Variants in LDLRAD3 observed in about 807,000 individuals in gnomAD.
LDLRAD3 encodes low-density lipoprotein receptor class A domain-containing protein 3.
Under a neutral mutation model 29.4 loss-of-function variants are expected in LDLRAD3, and 20 were observed. That is an observed-to-expected ratio of 0.68 (90% confidence interval 0.48 to 0.99). LDLRAD3 has a LOEUF of 0.99. Among genes scored for constraint, LDLRAD3 ranks in the 50% least tolerant of loss-of-function variants. The probability of loss-of-function intolerance (pLI) is 0.00; values close to 1 mark genes in which losing one functional copy is unlikely to be tolerated. For synonymous variants in LDLRAD3, 157 were observed against 192.7 expected (o/e 0.81, Z 1.53); for missense variants, 420 against 454.3 (o/e 0.92, Z 0.69).
At position 36,227,275 on chromosome 11, in the gene LDLRAD3, G is replaced by A. The variant is rs201142444; in HGVS notation, c.645G>A (p.Val215=). The change falls in exon 5 of 6, where the codon GTG becomes GTA. Residue 215 remains valine (V), a synonymous_variant. Coordinates refer to ENST00000315571, the MANE Select transcript of LDLRAD3 (RefSeq NM_174902.4). ...CCGTGCACCGGCTGCAGCACCCTGT[G>A]CTGCTGTCCCGCCTGGTGGTCCTGG... is the stretch of plus-strand genomic sequence containing the variant. ...TLPVHRLQHP[V]LLSRLVVLDH... The A allele has an allele frequency of 1.9e-6, 3 of 1,614,046 alleles. No homozygotes were observed. The highest frequency in any genetic ancestry group is 1.7e-5 in the Admixed American group (1 of 60,000).
intron 4 of LDLRAD3, among the ~76,000 whole-genome samples, chr11:36,110,727 A>G (rs1430421887): frequency 6.6e-6 from 1 of 152,192 alleles, no homozygotes; most frequent in Non-Finnish European, 1.5e-5. Flanking sequence ...GATCAGCTCA[A>G]AGTTGCTCAC....
At chr11:36,018,660 G>T (rs1275715580) in intron 1 of LDLRAD3, among the ~76,000 whole-genome samples, 1 of 152,106 alleles carries the variant, frequency 6.6e-6, no homozygotes, top group Non-Finnish European at 1.5e-5. Flanking sequence ...ATTGTGCCAG[G>T]TGCTGTCAAA....
chr11:36,093,388 T>C (rs1853312621), intron 3 of LDLRAD3, among the ~76,000 whole-genome samples: 1 of 152,190 alleles, frequency 6.6e-6, no homozygotes, highest in African/African-American at 2.4e-5. Context: ...TCCAGAGGCA[T>C]CCATTGCTCT....
At chr11:36,102,860 T>A (rs1309443215) in intron 4 of LDLRAD3, among the ~76,000 whole-genome samples, 1 of 152,130 alleles carries the variant, frequency 6.6e-6, no homozygotes, top group Non-Finnish European at 1.5e-5. Flanking sequence ...GCCTTACAAA[T>A]GTTGACTGAA....
intron 4 of LDLRAD3, among the ~76,000 whole-genome samples, chr11:36,206,689 G>T (rs189600567): frequency 6.6e-6 from 1 of 150,994 alleles, no homozygotes; most frequent in Non-Finnish European, 1.5e-5. Context: ...TGATTTACCT[G>T]TACAGCCCTG....
chr11:36,178,895 T>C (rs1219441105), intron 4 of LDLRAD3, among the ~76,000 whole-genome samples: 2 of 152,228 alleles, frequency 1.3e-5, no homozygotes, highest in Non-Finnish European at 2.9e-5. Flanking sequence ...CCTACCTTGA[T>C]TTGTCCACCA....
intron 1 of LDLRAD3, among the ~76,000 whole-genome samples, chr11:36,022,490 C>T (rs951724420): frequency 6.6e-6 from 1 of 151,770 alleles, no homozygotes; most frequent in South Asian, 2.1e-4. Flanking sequence ...TCTAATGTTT[C>T]CAGGTCTGTG....
intron 1 of LDLRAD3, among the ~76,000 whole-genome samples, chr11:35,991,871 GT>G: frequency 6.7e-6 from 1 of 148,312 alleles, no homozygotes; most frequent in East Asian, 2.0e-4. Context: ...GGTTGTTTGT[GT>G]GTGTGTGTGT....
At chr11:36,146,342 G>T (rs918852190) in intron 4 of LDLRAD3, among the ~76,000 whole-genome samples, 10 of 152,200 alleles carry the variant, frequency 6.6e-5, no homozygotes, top group Admixed American at 4.6e-4. Context: ...CAAACTTTTT[G>T]TATGTTTCTC....
At chr11:36,187,627 A>G (rs1175187775) in intron 4 of LDLRAD3, among the ~76,000 whole-genome samples, 2 of 152,170 alleles carry the variant, frequency 1.3e-5, no homozygotes, top group Non-Finnish European at 2.9e-5. Context: ...CCCCCAAAAG[A>G]GTTTCATCTG....
intron 1 of LDLRAD3, among the ~76,000 whole-genome samples, chr11:35,982,845 CTGCTT>C (rs1851559028): frequency 7.4e-6 from 1 of 135,696 alleles, no homozygotes; most frequent in South Asian, 2.4e-4. Flanking sequence ...GGCCTGTTTG[CTGCTT>C]TTTTTTTTTT....
intron 2 of LDLRAD3, 53 bp downstream of exon 2, chr11:36,036,302 G>A: frequency 6.2e-7 from 1 of 1,608,524 alleles, no homozygotes; most frequent in Non-Finnish European, 8.5e-7. Flanking sequence ...CTGGGGCAGA[G>A]GGGAGCAGGT....
At position 36,155,919 on chromosome 11, in the gene LDLRAD3, C is replaced by T. The variant is rs374557959; in HGVS notation, c.454+57458C>T. Among the ~76,000 whole-genome samples the T allele has an allele frequency of 1.2e-4, 18 of 152,280 alleles. 2 individuals are homozygous for T. Among genetic ancestry groups the T allele is most frequent in the Admixed American group, 7.2e-4 (11 of 15,292 alleles). ...TAAGAAGCTGAGCCAGCAATAGTAG[C>T]ATGTGGCCACCTGCAGGGCTCTGTG... On this transcript the variant is annotated intron_variant, in intron 4 of 5. Transcript: ENST00000315571.
At chr11:35,975,934 G>A (rs1464146673) in intron 1 of LDLRAD3, among the ~76,000 whole-genome samples, 1 of 151,850 alleles carries the variant, frequency 6.6e-6, no homozygotes, top group Admixed American at 6.6e-5. Flanking sequence ...CAGGTGAGTA[G>A]AGCATTGTGT....
At chr11:36,165,798 A>G (rs1303432694) in intron 4 of LDLRAD3, among the ~76,000 whole-genome samples, 3 of 150,724 alleles carry the variant, frequency 2.0e-5, no homozygotes, top group African/African-American at 7.3e-5. Flanking sequence ...TTACAGAAGC[A>G]GGGAATTAAT....
At chr11:36,097,661 A>ACAC (rs1853381229) in intron 3 of LDLRAD3, among the ~76,000 whole-genome samples, 1 of 152,160 alleles carries the variant, frequency 6.6e-6, no homozygotes, top group South Asian at 2.1e-4. Context: ...GGGTTAAAAG[A>ACAC]TACAAACATA....
chr11:36,109,508 C>T (rs984024515), intron 4 of LDLRAD3, among the ~76,000 whole-genome samples: 15 of 152,096 alleles, frequency 9.9e-5, no homozygotes, highest in Admixed American at 6.6e-5. Context: ...GAGAATCTGC[C>T]GTATTATTTT....
chr11:36,170,661 A>G (rs963813453), intron 4 of LDLRAD3, among the ~76,000 whole-genome samples: 2 of 152,148 alleles, frequency 1.3e-5, no homozygotes, highest in Admixed American at 6.6e-5. Context: ...ATTCATGCCA[A>G]CATTTATTAT....
chr11:35,967,536 T>C, intron 1 of LDLRAD3: 1 of 370,184 alleles, frequency 2.7e-6, no homozygotes, highest in South Asian at 2.2e-5. Context: ...TTTTCCACTT[T>C]GAGTTTGCTT....
Sources: allele counts gnomAD v4.1 joint callset (sites outside exome capture counted in the v4.1 genomes callset), GRCh38; gene constraint gnomAD v4.1.1; transcripts MANE v1.5; gene names NCBI Gene and HGNC (gene_info 2026-07-23, HGNC 2026-07-21).